Variants in GRAMD2B observed in about 807,000 individuals in gnomAD.
GRAMD2B encodes GRAM domain containing 2B.
GRAMD2B carries 41 observed loss-of-function variants against 59.2 expected under a neutral mutation model. The observed-to-expected ratio is 0.69, with a 90% CI of 0.54 to 0.90. GRAMD2B has a LOEUF of 0.90. Ranked by LOEUF, GRAMD2B falls within the 40% of genes least tolerant of loss-of-function variation. The probability of loss-of-function intolerance (pLI) is 0.00; values close to 1 mark genes in which losing one functional copy is unlikely to be tolerated. For missense variants in GRAMD2B, 424 were observed against 500.5 expected (o/e 0.85, Z 1.46); for synonymous variants, 161 against 182.7 (o/e 0.88, Z 0.96).
At chr5:126,394,274 CAA>C (rs372281197) in intron 1 of GRAMD2B, among the ~76,000 whole-genome samples, 29 of 118,976 alleles carry the variant, frequency 2.4e-4, no homozygotes, top group Non-Finnish European at 2.2e-4. Flanking sequence ...GACTCTGTCT[CAA>C]AAAAAAAAAA....
chr5:126,491,850 C>T (rs1193708691), intron 13 of GRAMD2B, among the ~76,000 whole-genome samples: 3 of 152,120 alleles, frequency 2.0e-5, no homozygotes, highest in South Asian at 2.1e-4. Flanking sequence ...TCTCCTGCCT[C>T]AGCCTCCCAA....
chr5:126,391,952 C>T (rs1302543396), intron 1 of GRAMD2B, among the ~76,000 whole-genome samples: 1 of 152,058 alleles, frequency 6.6e-6, no homozygotes, highest in Non-Finnish European at 1.5e-5. Flanking sequence ...TAAGAAAGAT[C>T]CTTAAAAGGC....
intron 11 of GRAMD2B, among the ~76,000 whole-genome samples, chr5:126,486,543 G>A (rs1403135248): frequency 6.6e-6 from 1 of 152,158 alleles, no homozygotes; most frequent in Non-Finnish European, 1.5e-5. Context: ...GCTAAGATCT[G>A]CCCAGGCTCT....
At chr5:126,422,968 C>G (rs2149779068), upstream of GRAMD2B, among the ~76,000 whole-genome samples, 1 of 147,818 alleles carries the variant, frequency 6.8e-6, no homozygotes. Context: ...CCAAAGGCAA[C>G]TACTTATTAC....
chr5:126,484,387 GT>G lies in GRAMD2B; in HGVS notation c.848-11del. 1 of 1,611,476 alleles carries G rather than the reference GT, an allele frequency of 6.2e-7. No individual in the cohort carries two copies. The highest frequency in any genetic ancestry group is 8.5e-7 in the Non-Finnish European group (1 of 1,179,210). ...TTGGAGAGAACACTTACCCAGCTCT[GT>G]TTTGGCTTAGTAGATTTCCATGCGA... is the stretch of plus-strand genomic sequence containing the variant. On this transcript the variant is annotated splice_polypyrimidine_tract_variant and intron_variant, in intron 9 of 13. Transcript: ENST00000285689.
intron 1 of GRAMD2B, among the ~76,000 whole-genome samples, chr5:126,403,851 G>A (rs1758036487): frequency 6.6e-6 from 1 of 151,794 alleles, no homozygotes; most frequent in Non-Finnish European, 1.5e-5. Context: ...TGCTAATAAG[G>A]AAGAGGCTAT....
At position 126,425,278 on chromosome 5, in the gene GRAMD2B, C is replaced by T. The variant is rs748106545; in HGVS notation, c.83+1589C>T. On this transcript the variant is annotated intron_variant, in intron 1 of 13. Transcript: ENST00000285689. ...GAAAATGTGCTATATACACAAGATA[C>T]GAAATCAATCTAAGTGTCTATCAAT... 1.4e-4 allele frequency among the ~76,000 whole-genome samples: 21 copies of T among 152,160 alleles called. No homozygotes were observed. The Middle Eastern group carries it at 0.01, about 74-fold the overall frequency.
At position 126,423,522 on chromosome 5, in the gene GRAMD2B, T is replaced by C. The variant is rs1760000746; in HGVS notation, c.-85T>C. The C allele has an allele frequency of 1.3e-6, 2 of 1,552,422 alleles. No individual in the cohort carries two copies. Among genetic ancestry groups the C allele is most frequent in the African/African-American group, 2.7e-5 (2 of 72,884 alleles). ...AGGGCACGGCGCCGCTTGCTTGGCC[T>C]GCGCACCCGGACCTAGAAGCCGGGA... On this transcript the variant is annotated 5_prime_UTR_variant, in exon 1 of 14. Transcript: ENST00000285689.
At chr5:126,447,739 C>A (rs1480301841) in intron 1 of GRAMD2B, among the ~76,000 whole-genome samples, 1 of 151,874 alleles carries the variant, frequency 6.6e-6, no homozygotes, top group Non-Finnish European at 1.5e-5. Flanking sequence ...ACATGAAGTC[C>A]TTAAGGTAAA....
At chr5:126,420,111 A>G (rs1368454446), upstream of GRAMD2B, among the ~76,000 whole-genome samples, 1 of 151,722 alleles carries the variant, frequency 6.6e-6, no homozygotes, top group Non-Finnish European at 1.5e-5. Context: ...TTTGCTTTTA[A>G]AAACAAGAAT....
chr5:126,406,359 A>T (rs1334562913), intron 1 of GRAMD2B, among the ~76,000 whole-genome samples: 3 of 151,820 alleles, frequency 2.0e-5, no homozygotes, highest in Non-Finnish European at 4.4e-5. Context: ...GTATAATAAA[A>T]ATAAATAAAT....
intron 1 of GRAMD2B, chr5:126,465,178 G>A (rs1768072751): frequency 3.0e-6 from 4 of 1,352,962 alleles, no homozygotes; most frequent in Non-Finnish European, 3.8e-6. Context: ...ACAGACCTGG[G>A]AGCCAGCAAG....
At chr5:126,367,782 C>T (rs1754530549), upstream of GRAMD2B, among the ~76,000 whole-genome samples, 4 of 152,148 alleles carry the variant, frequency 2.6e-5, no homozygotes, top group Admixed American at 2.6e-4. Flanking sequence ...TTTGGATTCT[C>T]ACTCTGTCGC....
At chr5:126,465,104 G>A in intron 1 of GRAMD2B, 6 of 1,181,572 alleles carry the variant, frequency 5.1e-6, no homozygotes, top group Non-Finnish European at 6.3e-6. Flanking sequence ...CTTGTGCAGG[G>A]CGCTCCCAGC....
intron 10 of GRAMD2B, among the ~76,000 whole-genome samples, chr5:126,485,367 A>T (rs1772706881): frequency 6.6e-6 from 1 of 152,170 alleles, no homozygotes; most frequent in Non-Finnish European, 1.5e-5. Context: ...ATTTTCCAGT[A>T]AAACTCAAAT....
intron 1 of GRAMD2B, among the ~76,000 whole-genome samples, chr5:126,413,444 T>G (rs1305166896): frequency 1.3e-5 from 2 of 152,166 alleles, no homozygotes; most frequent in African/African-American, 4.8e-5. Flanking sequence ...GATTTTCATT[T>G]TTATTCTACC....
At chr5:126,429,761 GA>G (rs1761260440) in intron 1 of GRAMD2B, among the ~76,000 whole-genome samples, 2 of 152,212 alleles carry the variant, frequency 1.3e-5, no homozygotes, top group African/African-American at 4.8e-5. Context: ...AAGTGACCGT[GA>G]GGACTCTTGT....
At chr5:126,453,082 G>A (rs1765653990) in intron 1 of GRAMD2B, among the ~76,000 whole-genome samples, 1 of 152,158 alleles carries the variant, frequency 6.6e-6, no homozygotes, top group Non-Finnish European at 1.5e-5. Flanking sequence ...GCCCCAAAAA[G>A]GAACGAAGAT....
chr5:126,397,374 A>G (rs1054657413), intron 1 of GRAMD2B, among the ~76,000 whole-genome samples: 4 of 152,044 alleles, frequency 2.6e-5, no homozygotes, highest in Non-Finnish European at 2.9e-5. Context: ...GCAGGCATGC[A>G]CTACCACGCC....
Sources: allele counts gnomAD v4.1 joint callset (sites outside exome capture counted in the v4.1 genomes callset), GRCh38; gene constraint gnomAD v4.1.1; transcripts MANE v1.5; gene names NCBI Gene and HGNC (gene_info 2026-07-23, HGNC 2026-07-21).